The following ALMS1 variants were observed in gnomAD, a reference collection of about 807,000 sequenced individuals.
ALMS1 encodes the protein centrosome-associated protein ALMS1.
Under a neutral mutation model 352.2 loss-of-function variants are expected in ALMS1, and 271 were observed. The ratio of observed to expected loss-of-function variants is 0.77; its 90% CI spans 0.70 to 0.85. ALMS1 has a LOEUF of 0.85. Among genes scored for constraint, ALMS1 ranks in the 40% least tolerant of loss-of-function variants. The pLI, the probability that ALMS1 is intolerant of heterozygous loss-of-function variation, is 0.00. For missense variants in ALMS1, 5,445 were observed against 4,870.7 expected (o/e 1.12, Z -3.51); for synonymous variants, 1,865 against 1,761.2 (o/e 1.06, Z -1.48).
chr2:73,518,674 G>T (rs896345462), intron 10 of ALMS1, among the ~76,000 whole-genome samples: 5 of 152,038 alleles, frequency 3.3e-5, no homozygotes, highest in Non-Finnish European at 7.4e-5. Context: ...GATGTGAAAT[G>T]GTATCTCATT....
At chr2:73,569,824 A>C (rs1457777809) in intron 15 of ALMS1, among the ~76,000 whole-genome samples, 1 of 152,262 alleles carries the variant, frequency 6.6e-6, no homozygotes, top group African/African-American at 2.4e-5. Flanking sequence ...AGAGTGGTAC[A>C]AAATGAGGAA....
intron 2 of ALMS1, among the ~76,000 whole-genome samples, chr2:73,414,257 ATTT>A (rs1441226768): frequency 6.6e-6 from 1 of 151,978 alleles, no homozygotes; most frequent in African/African-American, 2.4e-5. Flanking sequence ...ACTTACTGGT[ATTT>A]TTAGAAATTT....
intron 2 of ALMS1, among the ~76,000 whole-genome samples, chr2:73,416,802 T>TA: frequency 6.6e-6 from 1 of 151,694 alleles, no homozygotes; most frequent in Non-Finnish European, 1.5e-5. Flanking sequence ...TTGAATGAAT[T>TA]ATTTAACCAA....
At position 73,422,415 on chromosome 2, in the gene ALMS1, C is replaced by T. The variant is rs548082205; in HGVS notation, c.647-442C>T. Among the ~76,000 whole-genome samples, 4 of 152,156 alleles carry T rather than the reference C, an allele frequency of 2.6e-5. No individual in the cohort carries two copies. The East Asian group carries it at 7.7e-4, about 29-fold the overall frequency. On this transcript the variant is annotated intron_variant, in intron 3 of 22. Coordinates refer to ENST00000613296, the MANE Select transcript of ALMS1 (RefSeq NM_001378454.1). The stretch of plus-strand genomic sequence containing the variant: ...AGAGTGTCTTAGGGCCCAGGAGCTC[C>T]TGTGCTATGCTTTGACATAACGGGT...
At chr2:73,457,274 C>G (rs1373147943) in intron 9 of ALMS1, 4 of 152,084 alleles carry the variant, frequency 2.6e-5, no homozygotes, top group Non-Finnish European at 4.4e-5. Context: ...CTTTATTGCC[C>G]AGGCTGGACT....
intron 3 of ALMS1, among the ~76,000 whole-genome samples, chr2:73,421,067 C>G (rs532242378): frequency 1.3e-5 from 2 of 152,320 alleles, no homozygotes; most frequent in African/African-American, 4.8e-5. Flanking sequence ...GAATCATTAA[C>G]TCTTCAGCTT....
intron 16 of ALMS1, among the ~76,000 whole-genome samples, chr2:73,577,813 T>C (rs1295024847): frequency 1.3e-5 from 2 of 152,222 alleles, no homozygotes; most frequent in African/African-American, 4.8e-5. Flanking sequence ...GCATATGATC[T>C]GTCCTTGAGA....
intron 12 of ALMS1, among the ~76,000 whole-genome samples, chr2:73,542,347 G>C (rs530398409): frequency 6.6e-6 from 1 of 152,124 alleles, no homozygotes; most frequent in African/African-American, 2.4e-5. Context: ...CTCAATAAAT[G>C]AGGTATTGAT....
At chr2:73,386,321 G>T (rs938963631) in intron 1 of ALMS1, 129 bp downstream of exon 1, 8 of 1,299,154 alleles carry the variant, frequency 6.2e-6, no homozygotes, top group African/African-American at 1.6e-5. Flanking sequence ...GCTAGTAGGC[G>T]GCCCAGACTC....
chr2:73,436,887 G>A (rs1671613879), intron 7 of ALMS1, among the ~76,000 whole-genome samples: 1 of 152,138 alleles, frequency 6.6e-6, no homozygotes, highest in African/African-American at 2.4e-5. Flanking sequence ...CCTCTGAAAG[G>A]TAAATTTGCC....
intron 12 of ALMS1, among the ~76,000 whole-genome samples, chr2:73,543,542 T>C (rs564445927): frequency 6.6e-6 from 1 of 152,312 alleles, no homozygotes; most frequent in African/African-American, 2.4e-5. Context: ...AAAGAGCTTC[T>C]GCACAGTAAA....
At chr2:73,575,161 C>A (rs1422278169) in intron 16 of ALMS1, among the ~76,000 whole-genome samples, 2 of 146,348 alleles carry the variant, frequency 1.4e-5, no homozygotes, top group African/African-American at 5.5e-5. Context: ...TTTTGTTTAT[C>A]CATTCATTTA....
chr2:73,526,300 A>G (rs967034774), intron 11 of ALMS1, among the ~76,000 whole-genome samples: 2 of 152,160 alleles, frequency 1.3e-5, no homozygotes, highest in African/African-American at 2.4e-5. Context: ...GATTTTTTCT[A>G]TTTCTGTGAA....
chr2:73,402,019 ATGTG>A (rs1216125995), intron 1 of ALMS1, among the ~76,000 whole-genome samples: 19 of 145,180 alleles, frequency 1.3e-4, no homozygotes, highest in African/African-American at 5.1e-4. Context: ...CCTCGTGTGT[ATGTG>A]TGTGTGTGTT....
At chr2:73,579,001 A>G (rs867348282) in intron 16 of ALMS1, among the ~76,000 whole-genome samples, 1 of 151,274 alleles carries the variant, frequency 6.6e-6, no homozygotes, top group African/African-American at 2.4e-5. Context: ...CTTATAGGGA[A>G]GGTCTACTTG....
chr2:73,502,472 C>A (rs1302347034), intron 10 of ALMS1, among the ~76,000 whole-genome samples: 1 of 152,104 alleles, frequency 6.6e-6, no homozygotes, highest in African/African-American at 2.4e-5. Context: ...AAGCAGACAT[C>A]TTGCCCTGTT....
chr2:73,509,593 C>CT (rs1673407374), intron 10 of ALMS1, among the ~76,000 whole-genome samples: 1 of 152,198 alleles, frequency 6.6e-6, no homozygotes, highest in Non-Finnish European at 1.5e-5. Flanking sequence ...GGCCCCCACT[C>CT]TCTTCTGGCT....
chr2:73,554,760 T>C (rs1029136304), intron 13 of ALMS1, among the ~76,000 whole-genome samples: 8 of 152,144 alleles, frequency 5.3e-5, no homozygotes, highest in African/African-American at 1.9e-4. Context: ...CGTGTAAGTT[T>C]CTAGCCAGAT....
chr2:73,568,995 C>CTTTTTT lies in ALMS1; in HGVS notation c.10385-3235_10385-3230dup, dbSNP rs747436819. Among the ~76,000 whole-genome samples the CTTTTTT allele has an allele frequency of 2.7e-3, 145 of 53,560 alleles. 41 individuals carry two copies. Among genetic ancestry groups the CTTTTTT allele is most frequent in the Non-Finnish European group, 3.5e-3 (103 of 29,538 alleles). 35.1% of individuals were successfully genotyped at this position (53,560 alleles called of 152,430 possible). ...AGCTTGCTTGCTGCTGCTTCTGCTTCTTTTTTTTTTTTTTTTTTTTTTTTT... is the reference window on the plus strand; with the variant it reads ...AGCTTGCTTGCTGCTGCTTCTGCTTCTTTTTTTTTTTTTTTTTTTTTTTTTTTTTTT... On this transcript the variant is annotated intron_variant, in intron 15 of 22. Coordinates refer to ENST00000613296, the MANE Select transcript of ALMS1 (RefSeq NM_001378454.1).
Sources: gnomAD v4.1 joint callset for allele counts (sites outside exome capture counted in the v4.1 genomes callset) on GRCh38, gnomAD v4.1.1 for gene constraint, MANE v1.5 for transcripts, NCBI Gene and HGNC (gene_info 2026-07-23, HGNC 2026-07-21) for gene names.